Variants in BTBD19 observed in about 807,000 individuals in gnomAD.
The protein encoded by BTBD19 is BTB domain containing 19.
BTBD19 carries 20 observed loss-of-function variants against 36.1 expected under a neutral mutation model. That is an observed-to-expected ratio of 0.55 (90% CI 0.39 to 0.80). The LOEUF is 0.80. BTBD19 is among the 30% of genes least tolerant of loss of function. The probability of loss-of-function intolerance (pLI) is 0.00; values close to 1 mark genes in which losing one functional copy is unlikely to be tolerated. For missense variants in BTBD19, 325 were observed against 389.8 expected, an observed-to-expected ratio of 0.83 and a Z score of 1.40; for synonymous variants, 157 against 174.3, an observed-to-expected ratio of 0.90 and a Z score of 0.78.
rs1332588523 is a variant in BTBD19 at position 44,813,161 on chromosome 1, C to T, written c.507C>T (p.Phe169=). The stretch of plus-strand genomic sequence containing the variant: ...AGGAGGCCCTCCGGACCCGAGGCTT[C>T]CTGGAGCTGTCGGCGGCCGCGCTGC... Residue 169 remains phenylalanine, a synonymous_variant, in exon 6 of 8, where the codon TTC becomes TTT. Coordinates refer to ENST00000450269, the Ensembl canonical transcript of BTBD19. This position sits in a 1 kb window ranked among gnomAD's most constrained non-coding sequence, Gnocchi z 7.8. The T allele has an allele frequency of 3.9e-6, 6 of 1,542,026 alleles. No homozygotes were observed. Among genetic ancestry groups the T allele is most frequent in the African/African-American group, 1.5e-5 (1 of 67,570 alleles).
chr1:44,808,873 C>G, exon 1 of BTBD19: 1 of 1,550,436 alleles, frequency 6.4e-7, no homozygotes, highest in Non-Finnish European at 8.7e-7. Context: ...TTTTCCGCAG[C>G]ACTCCGAAGC....
Position 44,813,983 on chromosome 1 carries a change from G to C in BTBD19, c.*211G>C, listed in dbSNP as rs1180777909. The C allele has an allele frequency of 6.8e-6, 5 of 740,480 alleles. No individual in the cohort carries two copies. The African/African-American group carries it at 8.9e-5, about 13-fold the overall frequency. The allele number at this position is 740,480 out of a possible 1,614,324, so 45.9% of individuals were successfully genotyped here. On this transcript the variant is annotated 3_prime_UTR_variant, in exon 8 of 8. Coordinates refer to ENST00000450269, the Ensembl canonical transcript of BTBD19. This position sits in a 1 kb window ranked among gnomAD's most constrained non-coding sequence, Gnocchi z 7.8. The stretch of plus-strand genomic sequence containing the variant: ...GGTGGGGTCGGGCCGGGCAGGGCTT[G>C]GGCTGGGCCTCCCTGAGGGGGTGAA...
intron 4 of BTBD19, 35 bp from the exon 5 acceptor site, chr1:44,812,959 CCA>C (rs1652494612): frequency 2.6e-6 from 4 of 1,518,264 alleles, no homozygotes; most frequent in Non-Finnish European, 3.6e-6. Context: ...TACGGCCTCT[CCA>C]GTCTCCAACC....
chr1:44,808,534 C>T (rs1355702092), exon 1 of BTBD19: 6 of 283,340 alleles, frequency 2.1e-5, no homozygotes, highest in African/African-American at 6.7e-5. Flanking sequence ...GGGCCTCTTT[C>T]GCCGCCGCCG....
At chr1:44,812,223 G>A in intron 4 of BTBD19, 125 bp downstream of exon 4, 4 of 660,292 alleles carry the variant, frequency 6.1e-6, no homozygotes, top group Non-Finnish European at 1.0e-5. Context: ...GTGGTGGTGG[G>A]GGTGCTCCAA....
At chr1:44,814,154 C>CTTTCTT (rs1427287914), downstream of BTBD19, 7 of 100,790 alleles carry the variant, frequency 6.9e-5, no homozygotes, top group African/African-American at 9.7e-5. Flanking sequence ...CTTTCTCTTT[C>CTTTCTT]TTTCTTTCTT....
In BTBD19 at chr1:44,813,769, A is replaced by C; in HGVS notation, c.873A>C (p.Lys291Asn). Residue 291 changes from lysine (K) to asparagine (N), a missense_variant, in exon 8 of 8, where the codon AAA becomes AAC. Coordinates refer to ENST00000450269, the Ensembl canonical transcript of BTBD19. The surrounding 1 kb of genome is among the most constrained non-coding windows in gnomAD (Gnocchi z 7.8). ...ACCGCTTTCTGGACCTGTCCTTCAA[A>C]TGATCCAACGCCGGGACTCGCAGGG... 2 of 1,551,292 alleles carry C rather than the reference A, an allele frequency of 1.3e-6. No individual in the cohort carries two copies. Among genetic ancestry groups the C allele is most frequent in the Non-Finnish European group, 1.7e-6 (2 of 1,146,806 alleles).
intron 4 of BTBD19, chr1:44,812,455 C>G: frequency 4.4e-6 from 2 of 454,812 alleles, no homozygotes; most frequent in South Asian, 3.1e-5. Flanking sequence ...CCTGTAATTT[C>G]AGCACTTTTG....
Position 44,813,280 on chromosome 1 carries a change from C to T in BTBD19, c.615+11C>T, listed in dbSNP as rs1652519472. On this transcript the variant is annotated intron_variant, in intron 6 of 7. Transcript: ENST00000450269. This position sits in a 1 kb window ranked among gnomAD's most constrained non-coding sequence, Gnocchi z 7.8. ...GCGCGCGTGGGCGCGGTGAGTGGGG[C>T]TGGGGGAGCGCAAGGGCACGGAAGG... The T allele has an allele frequency of 6.5e-7, 1 of 1,536,448 alleles. No individual in the cohort carries two copies. Among genetic ancestry groups the T allele is most frequent in the Non-Finnish European group, 8.7e-7 (1 of 1,144,284 alleles).
At chr1:44,814,497 A>C (rs1652630280), downstream of BTBD19, 1 of 139,958 alleles carries the variant, frequency 7.1e-6, no homozygotes, top group East Asian at 2.1e-4. Context: ...ACGGAGTTTC[A>C]CCGTATTAGC....
In BTBD19 at chr1:44,813,280, C is replaced by G; in HGVS notation, c.615+11C>G. Reference sequence around the variant, plus strand: ...GCGCGCGTGGGCGCGGTGAGTGGGGCTGGGGGAGCGCAAGGGCACGGAAGG... The same window carrying G: ...GCGCGCGTGGGCGCGGTGAGTGGGGGTGGGGGAGCGCAAGGGCACGGAAGG... On this transcript the variant is annotated intron_variant, in intron 6 of 7. Coordinates refer to ENST00000450269, the Ensembl canonical transcript of BTBD19. The surrounding 1 kb of genome is among the most constrained non-coding windows in gnomAD (Gnocchi z 7.8). 1 of 1,536,448 alleles carries G rather than the reference C, an allele frequency of 6.5e-7. No homozygotes were observed. The highest frequency in any genetic ancestry group is 8.7e-7 in the Non-Finnish European group (1 of 1,144,284).
exon 1 of BTBD19, chr1:44,808,826 G>A (rs1652257038): frequency 2.6e-6 from 4 of 1,545,764 alleles, no homozygotes; most frequent in South Asian, 1.2e-5. Context: ...CACTCATGGA[G>A]CCCTTGGGAC....
At position 44,813,283 on chromosome 1, in the gene BTBD19, G is replaced by T. The variant is rs925660386; in HGVS notation, c.615+14G>T. The stretch of plus-strand genomic sequence containing the variant: ...CGCGTGGGCGCGGTGAGTGGGGCTG[G>T]GGGAGCGCAAGGGCACGGAAGGAGG... On this transcript the variant is annotated intron_variant, in intron 6 of 7. Coordinates refer to ENST00000450269, the Ensembl canonical transcript of BTBD19. The surrounding 1 kb of genome is among the most constrained non-coding windows in gnomAD (Gnocchi z 7.8). 1 of 1,536,664 alleles carries T rather than the reference G, an allele frequency of 6.5e-7. No individual in the cohort carries two copies. The highest frequency in any genetic ancestry group is 8.7e-7 in the Non-Finnish European group (1 of 1,144,452).
chr1:44,814,154 CTT>C (rs773819353), downstream of BTBD19: 6 of 100,792 alleles, frequency 6.0e-5, no homozygotes, highest in African/African-American at 1.5e-4. Context: ...CTTTCTCTTT[CTT>C]TCTTTCTTTC....
rs367915194 is a variant in BTBD19, at chr1:44,813,461, G to T, written c.703G>T (p.Ala235Ser). Residue 235 changes from alanine to serine, a missense_variant, in exon 7 of 8, where the codon GCC becomes TCC. Transcript: ENST00000450269. This position sits in a 1 kb window ranked among gnomAD's most constrained non-coding sequence, Gnocchi z 7.8. ...CTTGCTGGCCCCGGCGGAGCTGAGC[G>T]CCCTGGAAGAGCAGAACCGGCAGGA... is the stretch of plus-strand genomic sequence containing the variant. The T allele has an allele frequency of 4.5e-6, 7 of 1,546,300 alleles. No homozygotes were observed. Among genetic ancestry groups the T allele is most frequent in the East Asian group, 2.4e-5 (1 of 40,920 alleles).
chr1:44,813,387 G>A lies in BTBD19; in HGVS notation c.629G>A (p.Arg210Gln), dbSNP rs764420055. The change falls in exon 7 of 8, where the codon CGG (arginine) becomes CAG (glutamine). Residue 210 changes from arginine (R) to glutamine (Q), a missense_variant. Physicochemically the swap from Arg to Gln is conservative, Grantham distance 43. Transcript: ENST00000450269. The surrounding 1 kb of genome is among the most constrained non-coding windows in gnomAD (Gnocchi z 7.8). ...TGGCGTTTGCAGGCGGTGCTGGAGC[G>A]GCCGGTGGCTGAGGTGGCGGCCCCG... The A allele has an allele frequency of 5.8e-6, 9 of 1,547,036 alleles. No individual in the cohort carries two copies. The highest frequency in any genetic ancestry group is 1.2e-5 in the South Asian group (1 of 84,042).
At position 44,808,881 on chromosome 1, in the gene BTBD19, A is replaced by AG. The variant is rs1557630434; in HGVS notation, c.62dup (p.Ser21ArgfsTer10). Reference sequence around the variant, plus strand: ...TGAACCTTTTTCCGCAGCACTCCGAAGCCTTGTCAACAACCCGCGATACAG... The same window carrying AG: ...TGAACCTTTTTCCGCAGCACTCCGAAGGCCTTGTCAACAACCCGCGATACAG... On this transcript the variant is annotated frameshift_variant, in exon 1 of 8. Transcript: ENST00000450269. LOFTEE classifies it high-confidence loss of function. 1 of 1,550,162 alleles carries AG rather than the reference A, an allele frequency of 6.5e-7. No homozygotes were observed. Among genetic ancestry groups the AG allele is most frequent in the Non-Finnish European group, 8.7e-7 (1 of 1,146,164 alleles).
chr1:44,813,694 C>A lies in BTBD19; in HGVS notation c.798C>A (p.Ala266=). 6.4e-7 allele frequency: 1 copy of A among 1,551,406 alleles called. No homozygotes were observed. Among genetic ancestry groups the A allele is most frequent in the African/African-American group, 1.4e-5 (1 of 73,168 alleles). Residue 266 remains alanine, a synonymous_variant, in exon 8 of 8, where the codon GCC becomes GCA. Transcript: ENST00000450269. This position sits in a 1 kb window ranked among gnomAD's most constrained non-coding sequence, Gnocchi z 7.8. ...ATGCCCTGCGGAGAGGGGATGAGGC[C>A]CGGGGCGCCCCGTGTCGCCGCCGGA...
At chr1:44,808,583 C>T in exon 1 of BTBD19, 1 of 397,548 alleles carries the variant, frequency 2.5e-6, no homozygotes, top group Non-Finnish European at 4.5e-6. Flanking sequence ...GGACCATAGG[C>T]CACTCCAGCC....
Sources: allele counts gnomAD v4.1 joint callset, GRCh38; gene constraint gnomAD v4.1.1; non-coding constraint Gnocchi (gnomAD v3.1); transcripts MANE v1.5; gene names NCBI Gene and HGNC (gene_info 2026-07-23, HGNC 2026-07-21).